Variants in KLF8 observed in about 807,000 individuals in gnomAD.
KLF8 encodes the protein Krueppel-like factor 8.
A neutral mutation model predicts 18.2 loss-of-function variants in KLF8; 10 were observed. The observed-to-expected ratio is 0.55, with a 90% CI of 0.34 to 0.93. The LOEUF is 0.93. Among genes scored for constraint, KLF8 ranks in the 40% least tolerant of loss-of-function variants. The pLI is 0.02. For synonymous variants in KLF8, 109 were observed against 97.3 expected (o/e 1.12, Z -0.71); for missense variants, 264 against 277.9 (o/e 0.95, Z 0.36).
the KLF8 span, among the ~76,000 whole-genome samples, chrX:56,050,192 A>G: frequency 9.0e-6 from 1 of 110,553 alleles, no homozygotes; most frequent in African/African-American, 3.3e-5. Context: ...CAGTCTATCA[A>G]TTTTGTTGAT....
intron 4 of KLF8, 117 bp from the exon 5 acceptor site, chrX:56,270,065 G>A: frequency 1.4e-6 from 1 of 706,059 alleles, no homozygotes; most frequent in Non-Finnish European, 2.1e-6. Flanking sequence ...GGGGGACCTA[G>A]CATTAAATTC....
intron 1 of KLF8, among the ~76,000 whole-genome samples, chrX:56,248,038 G>A (rs191372827): frequency 9.0e-6 from 1 of 111,226 alleles, no homozygotes; most frequent in Non-Finnish European, 1.9e-5. Flanking sequence ...ACATTACAGC[G>A]GGTATGATAT....
At chrX:56,031,584 C>T in the KLF8 span, among the ~76,000 whole-genome samples, 8 of 111,817 alleles carry the variant, frequency 7.2e-5, no homozygotes, top group Non-Finnish European at 1.1e-4. Flanking sequence ...TACCCGGGAG[C>T]GCTCTTTGGA....
At chrX:55,944,955 C>G in the KLF8 span, among the ~76,000 whole-genome samples, 1 of 110,963 alleles carries the variant, frequency 9.0e-6, no homozygotes, top group African/African-American at 3.3e-5. Context: ...CCTGCTTTCT[C>G]TTGTGGGCAT....
the KLF8 span, among the ~76,000 whole-genome samples, chrX:56,199,715 G>T: frequency 1.5e-3 from 173 of 111,646 alleles, 1 homozygote; most frequent in African/African-American, 5.6e-3. Context: ...ATTTGGCCCA[G>T]CAATTCCTTT....
the KLF8 span, among the ~76,000 whole-genome samples, chrX:55,924,067 C>T: frequency 5.4e-5 from 6 of 110,802 alleles, no homozygotes; most frequent in East Asian, 2.8e-4. Flanking sequence ...TTCAGCCCCA[C>T]GCACCCCTAA....
chrX:56,273,126 A>G (rs2067077770), intron 5 of KLF8, among the ~76,000 whole-genome samples: 1 of 111,754 alleles, frequency 8.9e-6, no homozygotes, highest in South Asian at 3.7e-4. Context: ...TGTATCACAA[A>G]TACTATCACT....
chrX:56,235,485 C>T (rs1318459282), intron 1 of KLF8, among the ~76,000 whole-genome samples: 1 of 103,626 alleles, frequency 9.7e-6, no homozygotes, highest in African/African-American at 3.6e-5. Context: ...GGCGTGATCT[C>T]GGCTTGCCGC....
the KLF8 span, among the ~76,000 whole-genome samples, chrX:56,206,654 T>A: frequency 8.9e-6 from 1 of 112,452 alleles, no homozygotes; most frequent in Non-Finnish European, 1.9e-5. Flanking sequence ...ACAGCCTCCC[T>A]CCTGGCTGCT....
the KLF8 span, among the ~76,000 whole-genome samples, chrX:56,214,790 CAG>C: frequency 5.3e-5 from 6 of 112,292 alleles, no homozygotes; most frequent in East Asian, 1.7e-3. Context: ...GACCAAAACA[CAG>C]AGTGGTTAAA....
the KLF8 span, among the ~76,000 whole-genome samples, chrX:55,949,332 G>C: frequency 3.0e-5 from 2 of 67,493 alleles, no homozygotes; most frequent in Non-Finnish European, 5.4e-5. Context: ...GTTTTCATAT[G>C]CTGTGTGTGT....
In KLF8 at chrX:56,290,749, G is replaced by T. The variant is rs746247188; in HGVS notation, c.*6255G>T. ...TTACTCTGAATAGTATAGGTAGGAGGAGGGAAGTTGGGTAGGGTGGTTGGG... is the reference window on the plus strand; with the variant it reads ...TTACTCTGAATAGTATAGGTAGGAGTAGGGAAGTTGGGTAGGGTGGTTGGG... On this transcript the variant is annotated 3_prime_UTR_variant, in exon 6 of 6. Transcript: ENST00000468660. Among the ~76,000 whole-genome samples the T allele has an allele frequency of 9.0e-6, 1 of 111,208 alleles. No individual in the cohort carries two copies. Among genetic ancestry groups the T allele is most frequent in the South Asian group, 3.8e-4 (1 of 2,638 alleles).
chrX:56,199,349 G>T, the KLF8 span, among the ~76,000 whole-genome samples: 1 of 111,263 alleles, frequency 9.0e-6, no homozygotes, highest in African/African-American at 3.3e-5. Flanking sequence ...ATCTGAAATG[G>T]GCTAATATCC....
At chrX:56,049,515 T>C in the KLF8 span, among the ~76,000 whole-genome samples, 1 of 108,749 alleles carries the variant, frequency 9.2e-6, no homozygotes, top group Non-Finnish European at 1.9e-5. Context: ...TCTGCATCTA[T>C]GGAGATAATC....
At chrX:56,185,973 G>A in the KLF8 span, among the ~76,000 whole-genome samples, 6 of 111,671 alleles carry the variant, frequency 5.4e-5, no homozygotes, top group South Asian at 3.7e-4. Flanking sequence ...CAACTAACGA[G>A]CAAAAAAACC....
chrX:56,048,482 A>T, the KLF8 span, among the ~76,000 whole-genome samples: 5 of 112,046 alleles, frequency 4.5e-5, 1 homozygote, highest in Admixed American at 9.5e-5. Flanking sequence ...AGCTTTCTAC[A>T]TATGGCTAGC....
the KLF8 span, among the ~76,000 whole-genome samples, chrX:56,118,270 T>C: frequency 1.8e-5 from 2 of 111,446 alleles, no homozygotes; most frequent in Admixed American, 1.9e-4. Flanking sequence ...TGTATATATA[T>C]AAAGCACTTA....
chrX:56,186,571 A>C, the KLF8 span, among the ~76,000 whole-genome samples: 1 of 111,822 alleles, frequency 8.9e-6, no homozygotes, highest in African/African-American at 3.3e-5. Flanking sequence ...AGCAGATTAT[A>C]CATTCTTTTC....
chrX:55,962,102 G>C, the KLF8 span: 1,733 of 148,202 alleles, frequency 0.012, 14 homozygotes, highest in Non-Finnish European at 0.018. Flanking sequence ...CAAAAATGTA[G>C]AGTCAGCAGT....
Sources: gnomAD v4.1 joint callset for allele counts (sites outside exome capture counted in the v4.1 genomes callset) on GRCh38, gnomAD v4.1.1 for gene constraint, MANE v1.5 for transcripts, NCBI Gene and HGNC (gene_info 2026-07-23, HGNC 2026-07-21) for gene names.